Variants in PHF21B observed in about 807,000 individuals in gnomAD.
The protein encoded by PHF21B is PHD finger protein 4.
In PHF21B, 22 loss-of-function variants were observed where a neutral mutation model predicts 62.2. That is an observed-to-expected ratio of 0.35 (90% CI 0.25 to 0.51). The LOEUF (loss-of-function observed/expected upper bound fraction) is 0.51, where lower values mean the gene tolerates loss of function less well. Among genes scored for constraint, PHF21B ranks in the 20% least tolerant of loss-of-function variants. The pLI is 0.97. For synonymous variants in PHF21B, 341 were observed against 314.7 expected, an observed-to-expected ratio of 1.08 and a Z score of -0.88; for missense variants, 701 against 707.9, an observed-to-expected ratio of 0.99 and a Z score of 0.11.
chr22:45,006,766 G>C (rs1405255650), intron 2 of PHF21B, among the ~76,000 whole-genome samples: 1 of 151,868 alleles, frequency 6.6e-6, no homozygotes, highest in African/African-American at 2.4e-5. Flanking sequence ...TCTTCTAGGA[G>C]CGTACGAGTC....
At chr22:44,977,973 A>G (rs1416881012) in intron 2 of PHF21B, among the ~76,000 whole-genome samples, 1 of 152,140 alleles carries the variant, frequency 6.6e-6, no homozygotes, top group East Asian at 1.9e-4. Flanking sequence ...AGCTCCCAAG[A>G]GTCAAGGTTG....
At position 44,986,026 on chromosome 22, in the gene PHF21B, C is replaced by G. The variant is rs1036373683; in HGVS notation, c.120+22519G>C. 2.6e-5 allele frequency among the ~76,000 whole-genome samples: 4 copies of G among 151,862 alleles called. No individual in the cohort carries two copies. The South Asian group carries it at 8.3e-4, about 32-fold the overall frequency. Reference sequence around the variant, plus strand: ...ACAACCATCACCAGCAGCAGCACCACCATCACCATCAGCACCACCACCACT... The same window carrying G: ...ACAACCATCACCAGCAGCAGCACCAGCATCACCATCAGCACCACCACCACT... On this transcript the variant is annotated intron_variant, in intron 2 of 12. Coordinates refer to ENST00000313237, the MANE Select transcript of PHF21B (RefSeq NM_138415.5).
intron 7 of PHF21B, among the ~76,000 whole-genome samples, chr22:44,892,939 A>G (rs2070992022): frequency 6.6e-6 from 1 of 151,614 alleles, no homozygotes; most frequent in African/African-American, 2.4e-5. Flanking sequence ...AGGCTCTCGG[A>G]TTCCCACCCC....
At position 44,882,235 on chromosome 22, in the gene PHF21B, A is replaced by G. The variant is rs1043983278; in HGVS notation, c.*851T>C. 13 of 152,634 alleles carry G rather than the reference A, an allele frequency of 8.5e-5. No individual in the cohort carries two copies. Among genetic ancestry groups the G allele is most frequent in the African/African-American group, 2.9e-4 (12 of 41,438 alleles). The allele number at this position is 152,634 out of a possible 1,614,324, so 9.5% of individuals were successfully genotyped here. On this transcript the variant is annotated 3_prime_UTR_variant, in exon 13 of 13. Coordinates refer to ENST00000313237, the MANE Select transcript of PHF21B (RefSeq NM_138415.5). ...TTGAATGATTCAACCCCAAGGAGAAAACCTGCCAAATGCTGCCCCCCACAA... is the reference window on the plus strand; with the variant it reads ...TTGAATGATTCAACCCCAAGGAGAAGACCTGCCAAATGCTGCCCCCCACAA...
At chr22:44,930,606 G>A (rs1388548212) in intron 2 of PHF21B, among the ~76,000 whole-genome samples, 11 of 152,274 alleles carry the variant, frequency 7.2e-5, no homozygotes, top group Admixed American at 1.3e-4. Context: ...GTGCCAAGAG[G>A]CTCAGAGCAC....
At chr22:44,970,104 G>A (rs560616637) in intron 2 of PHF21B, among the ~76,000 whole-genome samples, 60 of 152,324 alleles carry the variant, frequency 3.9e-4, no homozygotes, top group Admixed American at 9.1e-4. Context: ...GAGGCTGTGC[G>A]GCCAGCCCAA....
At chr22:44,993,543 C>T (rs1468423015) in intron 2 of PHF21B, among the ~76,000 whole-genome samples, 2 of 152,226 alleles carry the variant, frequency 1.3e-5, no homozygotes, top group African/African-American at 2.4e-5. Context: ...AGTCCAGAAC[C>T]GCTCCCACAC....
chr22:44,950,650 G>A (rs959629454), intron 2 of PHF21B, among the ~76,000 whole-genome samples: 36 of 152,160 alleles, frequency 2.4e-4, no homozygotes, highest in African/African-American at 8.0e-4. Context: ...GTGGCGAAGC[G>A]GTTTTGAAGG....
intron 2 of PHF21B, among the ~76,000 whole-genome samples, chr22:44,953,026 G>A (rs2072224583): frequency 1.3e-5 from 2 of 152,210 alleles, no homozygotes; most frequent in African/African-American, 2.4e-5. Flanking sequence ...CAGGGGGACA[G>A]AAGTGGGCTG....
intron 2 of PHF21B, among the ~76,000 whole-genome samples, chr22:44,944,153 T>C (rs1246648636): frequency 2.0e-5 from 3 of 152,214 alleles, no homozygotes; most frequent in Non-Finnish European, 4.4e-5. Context: ...AGTGAAGGAC[T>C]GTGCGCCCAG....
At chr22:44,951,246 G>A (rs555042935) in intron 2 of PHF21B, among the ~76,000 whole-genome samples, 112 of 152,276 alleles carry the variant, frequency 7.4e-4, no homozygotes, top group Non-Finnish European at 1.4e-3. Flanking sequence ...CAGCTCCACC[G>A]CAGATCATCG....
chr22:44,882,855 T>C lies in PHF21B; in HGVS notation c.*231A>G. On this transcript the variant is annotated 3_prime_UTR_variant, in exon 13 of 13. Coordinates refer to ENST00000313237, the MANE Select transcript of PHF21B (RefSeq NM_138415.5). The stretch of plus-strand genomic sequence containing the variant: ...GGAGACTGTGTGCCCCAGCCTGTCG[T>C]ACCCCACCTGGCTCCTAGGTACCCC... 1.9e-6 allele frequency: 1 copy of C among 528,664 alleles called. No homozygotes were observed. The highest frequency in any genetic ancestry group is 3.3e-6 in the Non-Finnish European group (1 of 304,672). The allele number at this position is 528,664 out of a possible 1,614,324, so 32.7% of individuals were successfully genotyped here.
At chr22:44,945,603 G>T (rs112860296) in intron 2 of PHF21B, among the ~76,000 whole-genome samples, 17 of 152,212 alleles carry the variant, frequency 1.1e-4, no homozygotes, top group African/African-American at 3.6e-4. Context: ...GGGCTGCAGG[G>T]CAATGAGTGC....
At chr22:45,007,753 G>A (rs2073350720) in intron 2 of PHF21B, among the ~76,000 whole-genome samples, 1 of 144,396 alleles carries the variant, frequency 6.9e-6, no homozygotes, top group Non-Finnish European at 1.5e-5. Context: ...GCGCGGCGGG[G>A]GAGGGGCAGC....
At chr22:44,900,118 T>G (rs2071131341) in intron 5 of PHF21B, among the ~76,000 whole-genome samples, 1 of 152,138 alleles carries the variant, frequency 6.6e-6, no homozygotes, top group Non-Finnish European at 1.5e-5. Context: ...TCCTCTCAAT[T>G]TTACTTACAT....
intron 2 of PHF21B, among the ~76,000 whole-genome samples, chr22:44,994,050 T>C (rs940876982): frequency 6.6e-6 from 1 of 152,150 alleles, no homozygotes; most frequent in African/African-American, 2.4e-5. Context: ...CTTCTGGCTG[T>C]GAGAGAAGGA....
At chr22:44,981,281 C>T (rs2072837378) in intron 2 of PHF21B, among the ~76,000 whole-genome samples, 1 of 152,160 alleles carries the variant, frequency 6.6e-6, no homozygotes, top group Non-Finnish European at 1.5e-5. Flanking sequence ...CAACACTTTC[C>T]CTGTGTCATC....
At chr22:44,978,720 G>A (rs1281806920) in intron 2 of PHF21B, among the ~76,000 whole-genome samples, 4 of 152,218 alleles carry the variant, frequency 2.6e-5, no homozygotes, top group African/African-American at 9.6e-5. Flanking sequence ...ATTGTAGAAT[G>A]ACCGCCCTTT....
chr22:44,986,140 C>G (rs1601681102), intron 2 of PHF21B, among the ~76,000 whole-genome samples: 1 of 147,302 alleles, frequency 6.8e-6, no homozygotes, highest in African/African-American at 2.7e-5. Flanking sequence ...AGCAGCAGCA[C>G]CACCAACACC....
Sources: allele counts gnomAD v4.1 joint callset (sites outside exome capture counted in the v4.1 genomes callset), GRCh38; gene constraint gnomAD v4.1.1; transcripts MANE v1.5; gene names NCBI Gene and HGNC (gene_info 2026-07-23, HGNC 2026-07-21).